Variants in CTNNA3 observed in about 807,000 individuals in gnomAD.
The protein encoded by CTNNA3 is catenin alpha-3.
A neutral mutation model predicts 95.7 loss-of-function variants in CTNNA3; 76 were observed. The ratio of observed to expected loss-of-function variants is 0.79; its 90% CI spans 0.66 to 0.96. The LOEUF (loss-of-function observed/expected upper bound fraction) is 0.96. Among genes scored for constraint, CTNNA3 ranks in the 40% least tolerant of loss-of-function variants. CTNNA3 has a pLI of 0.00. For missense variants in CTNNA3, 1,191 were observed against 1,089.8 expected, an observed-to-expected ratio of 1.09 and a Z score of -1.31; for synonymous variants, 431 against 374.4, an observed-to-expected ratio of 1.15 and a Z score of -1.74.
chr10:67,371,242 T>C (rs954521050), intron 5 of CTNNA3, among the ~76,000 whole-genome samples: 2 of 151,756 alleles, frequency 1.3e-5, no homozygotes, highest in Non-Finnish European at 2.9e-5. Flanking sequence ...ATTTTTTTTC[T>C]ATTATACTTT....
intron 13 of CTNNA3, among the ~76,000 whole-genome samples, chr10:66,203,192 A>G (rs573428860): frequency 1.3e-4 from 20 of 152,332 alleles, no homozygotes; most frequent in African/African-American, 4.8e-4. Context: ...AAAGGTCAAT[A>G]AGATGCTTCA....
chr10:67,660,926 G>A (rs1160063865), intron 1 of CTNNA3, among the ~76,000 whole-genome samples: 14 of 125,142 alleles, frequency 1.1e-4, no homozygotes, highest in East Asian at 6.2e-4. Context: ...GCAAGACTCC[G>A]TCTCAAAAAA....
chr10:67,093,727 A>G (rs1857804336), intron 7 of CTNNA3, among the ~76,000 whole-genome samples: 1 of 152,014 alleles, frequency 6.6e-6, no homozygotes, highest in Non-Finnish European at 1.5e-5. Flanking sequence ...TGCATCAGGT[A>G]TTTACCCTGG....
chr10:66,669,552 A>G (rs938415377), intron 9 of CTNNA3, among the ~76,000 whole-genome samples: 3 of 152,138 alleles, frequency 2.0e-5, no homozygotes, highest in South Asian at 2.1e-4. Context: ...AAAAAAAAGA[A>G]AAAAAGAAAA....
intron 5 of CTNNA3, among the ~76,000 whole-genome samples, chr10:67,302,268 G>T (rs1286611855): frequency 6.6e-6 from 1 of 152,090 alleles, no homozygotes; most frequent in African/African-American, 2.4e-5. Context: ...GTTACGAGGG[G>T]CTGGAGGAAT....
intron 6 of CTNNA3, among the ~76,000 whole-genome samples, chr10:67,209,787 A>C (rs141336778): frequency 0.011 from 1,655 of 152,196 alleles, 35 homozygotes; most frequent in African/African-American, 0.038. Flanking sequence ...CAAAGAAAAA[A>C]AAACTAAGTT....
intron 9 of CTNNA3, among the ~76,000 whole-genome samples, chr10:66,659,682 A>T (rs2394277): frequency 0.66 from 100,187 of 151,938 alleles, 33,938 homozygotes; most frequent in East Asian, 0.95. Context: ...AGTGGCTTTA[A>T]GAAAGAGGTC....
chr10:66,974,138 C>T (rs1849890354), intron 7 of CTNNA3, among the ~76,000 whole-genome samples: 1 of 152,084 alleles, frequency 6.6e-6, no homozygotes, highest in African/African-American at 2.4e-5. Context: ...GTCTCTATCA[C>T]CACAGATTAA....
chr10:67,092,914 T>C (rs1392569403), intron 7 of CTNNA3, among the ~76,000 whole-genome samples: 24 of 152,024 alleles, frequency 1.6e-4, no homozygotes. Context: ...CAGCTACTAC[T>C]ACTCATTATT....
At chr10:66,104,913 T>G (rs546742978) in intron 13 of CTNNA3, among the ~76,000 whole-genome samples, 15 of 152,318 alleles carry the variant, frequency 9.8e-5, no homozygotes, top group African/African-American at 3.6e-4. Flanking sequence ...ATGGGGACAT[T>G]TGATGATTAG....
intron 9 of CTNNA3, among the ~76,000 whole-genome samples, chr10:66,742,574 G>A (rs1849363743): frequency 6.6e-6 from 1 of 151,972 alleles, no homozygotes; most frequent in Admixed American, 6.6e-5. Context: ...CGGCTCAGGG[G>A]GCATCACAGA....
chr10:66,261,732 T>A (rs2091008299), intron 13 of CTNNA3, among the ~76,000 whole-genome samples: 1 of 152,046 alleles, frequency 6.6e-6, no homozygotes, highest in African/African-American at 2.4e-5. Flanking sequence ...GGCTTTTCTT[T>A]AAGAATTGCT....
At chr10:66,951,354 G>A (rs780024387) in intron 7 of CTNNA3, among the ~76,000 whole-genome samples, 6 of 152,078 alleles carry the variant, frequency 3.9e-5, no homozygotes, top group Non-Finnish European at 5.9e-5. Flanking sequence ...GACCTCAGAT[G>A]ATCCATCCGC....
chr10:66,268,928 A>G (rs924835622), intron 13 of CTNNA3, among the ~76,000 whole-genome samples: 5 of 152,148 alleles, frequency 3.3e-5, no homozygotes, highest in African/African-American at 1.2e-4. Context: ...CCTTGTAGAG[A>G]CCTATTCAGG....
chr10:66,437,220 T>C (rs1173600405), intron 11 of CTNNA3, among the ~76,000 whole-genome samples: 1 of 152,172 alleles, frequency 6.6e-6, no homozygotes, highest in Non-Finnish European at 1.5e-5. Flanking sequence ...ATTTCCTAAA[T>C]TTGAATGTTG....
intron 16 of CTNNA3, among the ~76,000 whole-genome samples, chr10:65,987,343 A>G (rs959681203): frequency 7.2e-5 from 11 of 151,916 alleles, no homozygotes; most frequent in African/African-American, 2.4e-4. Context: ...CAGAAGAATA[A>G]AACAAATTTA....
At chr10:66,977,209 C>A (rs1279387382) in intron 7 of CTNNA3, among the ~76,000 whole-genome samples, 1 of 152,014 alleles carries the variant, frequency 6.6e-6, no homozygotes, top group African/African-American at 2.4e-5. Context: ...GAGGCCGAGG[C>A]AGGTGGATCA....
At chr10:66,041,407 C>T (rs1182787870) in intron 15 of CTNNA3, among the ~76,000 whole-genome samples, 1 of 152,088 alleles carries the variant, frequency 6.6e-6, no homozygotes, top group African/African-American at 2.4e-5. Flanking sequence ...ACATTAATAG[C>T]ACAAATGTTA....
chr10:67,356,539 G>A (rs1842815206), intron 5 of CTNNA3, among the ~76,000 whole-genome samples: 1 of 152,042 alleles, frequency 6.6e-6, no homozygotes, highest in African/African-American at 2.4e-5. Flanking sequence ...ACTTCAATGA[G>A]CTTGTCCTCA....
Sources: allele counts gnomAD v4.1 joint callset (sites outside exome capture counted in the v4.1 genomes callset), GRCh38; gene constraint gnomAD v4.1.1; transcripts MANE v1.5; gene names NCBI Gene and HGNC (gene_info 2026-07-23, HGNC 2026-07-21).